PTPRD: variants seen among roughly 807,000 people sequenced by gnomAD.
The protein encoded by PTPRD is protein tyrosine phosphatase receptor type D, also known as receptor-type tyrosine-protein phosphatase delta.
PTPRD carries 34 observed loss-of-function variants against 214.5 expected under a neutral mutation model. The observed-to-expected ratio is 0.16, with a 90% confidence interval of 0.12 to 0.21. PTPRD has a LOEUF of 0.21. Ranked by LOEUF, PTPRD falls within the 10% of genes least tolerant of loss-of-function variation. PTPRD has a pLI of 1.00. For missense variants in PTPRD, 2,545 were observed against 2,398.7 expected (o/e 1.06, Z -1.27); for synonymous variants, 1,128 against 845.7 (o/e 1.33, Z -5.79).
chr9:9,659,748 T>TC (rs2096587649), intron 7 of PTPRD, among the ~76,000 whole-genome samples: 1 of 152,108 alleles, frequency 6.6e-6, no homozygotes, highest in African/African-American at 2.4e-5. Context: ...AAAAGGTGAT[T>TC]CAATCTCATC....
intron 9 of PTPRD, among the ~76,000 whole-genome samples, chr9:9,382,117 AG>A (rs1319404185): frequency 2.6e-5 from 4 of 151,720 alleles, no homozygotes; most frequent in Non-Finnish European, 5.9e-5. Flanking sequence ...TTTATTCCTA[AG>A]TATTTTACTC....
intron 8 of PTPRD, among the ~76,000 whole-genome samples, chr9:9,538,961 T>G (rs626307): frequency 6.6e-6 from 1 of 151,722 alleles, no homozygotes; most frequent in Non-Finnish European, 1.5e-5. Flanking sequence ...CCAGACACTT[T>G]TCTAGGCTCT....
intron 7 of PTPRD, among the ~76,000 whole-genome samples, chr9:9,730,216 T>G (rs191806312): frequency 6.6e-6 from 1 of 152,150 alleles, no homozygotes; most frequent in Admixed American, 6.5e-5. Context: ...TTGAAAGATA[T>G]TGTATGACTA....
At chr9:10,348,986 T>G (rs1050112014) in intron 2 of PTPRD, among the ~76,000 whole-genome samples, 5 of 152,106 alleles carry the variant, frequency 3.3e-5, no homozygotes, top group African/African-American at 1.2e-4. Flanking sequence ...TCAATTATCT[T>G]TGCAGGTACA....
chr9:9,737,095 T>G (rs895874202), intron 6 of PTPRD, among the ~76,000 whole-genome samples: 1 of 152,098 alleles, frequency 6.6e-6, no homozygotes, highest in African/African-American at 2.4e-5. Context: ...CATTTTGAGT[T>G]GGGGTAAAAT....
At chr9:9,908,555 A>G (rs144298184) in intron 5 of PTPRD, among the ~76,000 whole-genome samples, 2 of 152,178 alleles carry the variant, frequency 1.3e-5, no homozygotes, top group East Asian at 1.9e-4. Context: ...TTCTCAAATG[A>G]TAGTCCACAG....
At chr9:10,439,028 TAACA>T (rs1050898383) in intron 2 of PTPRD, among the ~76,000 whole-genome samples, 9 of 151,806 alleles carry the variant, frequency 5.9e-5, no homozygotes, top group African/African-American at 2.2e-4. Context: ...AATGGGATAT[TAACA>T]AACATGATAC....
chr9:8,778,152 T>A (rs1351920685), intron 11 of PTPRD, among the ~76,000 whole-genome samples: 1 of 152,238 alleles, frequency 6.6e-6, no homozygotes, highest in Non-Finnish European at 1.5e-5. Flanking sequence ...TTTTATGTCA[T>A]ATATATGTAT....
intron 14 of PTPRD, among the ~76,000 whole-genome samples, chr9:8,624,324 G>T (rs2095936236): frequency 6.6e-6 from 1 of 151,846 alleles, no homozygotes; most frequent in South Asian, 2.1e-4. Flanking sequence ...TCAGATTGTT[G>T]TATCATCCTA....
At chr9:8,551,245 T>A (rs941505579) in intron 14 of PTPRD, among the ~76,000 whole-genome samples, 4 of 152,202 alleles carry the variant, frequency 2.6e-5, no homozygotes, top group Non-Finnish European at 5.9e-5. Flanking sequence ...ACATATTTTG[T>A]AATTAAATTT....
intron 9 of PTPRD, among the ~76,000 whole-genome samples, chr9:9,375,702 G>C (rs988638261): frequency 3.3e-5 from 5 of 152,104 alleles, no homozygotes; most frequent in African/African-American, 1.2e-4. Context: ...AGAAAACAAA[G>C]AATAAATATG....
chr9:9,543,979 C>T (rs2078183113), intron 8 of PTPRD, among the ~76,000 whole-genome samples: 1 of 151,494 alleles, frequency 6.6e-6, no homozygotes. Context: ...GATTAGAATC[C>T]CTCCACCTTC....
chr9:8,783,983 G>A (rs752673105), intron 11 of PTPRD, among the ~76,000 whole-genome samples: 8 of 152,080 alleles, frequency 5.3e-5, no homozygotes, highest in South Asian at 2.1e-4. Context: ...AGGGTTGTGC[G>A]CCTGACCTCT....
intron 21 of PTPRD, among the ~76,000 whole-genome samples, chr9:8,517,099 C>T (rs1025647971): frequency 1.2e-4 from 18 of 151,150 alleles, no homozygotes; most frequent in African/African-American, 4.1e-4. Flanking sequence ...AGCCACTGTG[C>T]GTGGCTCAAG....
At chr9:9,444,324 T>C (rs1367966894) in intron 8 of PTPRD, among the ~76,000 whole-genome samples, 1 of 152,174 alleles carries the variant, frequency 6.6e-6, no homozygotes, top group Admixed American at 6.5e-5. Flanking sequence ...CCGATAAATA[T>C]GAAAAGATTT....
At chr9:8,748,405 A>C (rs2093092238) in intron 11 of PTPRD, among the ~76,000 whole-genome samples, 1 of 151,858 alleles carries the variant, frequency 6.6e-6, no homozygotes, top group Non-Finnish European at 1.5e-5. Context: ...AGGAGGGACA[A>C]GGATCAGGAT....
intron 9 of PTPRD, among the ~76,000 whole-genome samples, chr9:9,189,333 G>C (rs1043975361): frequency 2.6e-5 from 4 of 152,080 alleles, no homozygotes; most frequent in Admixed American, 1.3e-4. Context: ...TCAGTGATTT[G>C]ATGGGGCTAA....
At chr9:9,310,961 A>ATAAATAAC (rs1958800876) in intron 9 of PTPRD, among the ~76,000 whole-genome samples, 2 of 149,770 alleles carry the variant, frequency 1.3e-5, no homozygotes, top group Non-Finnish European at 2.9e-5. Flanking sequence ...AAATAAATAA[A>ATAAATAAC]TAACATTCTC....
chr9:8,547,641 T>TAAAAAAAAAAAAAAA (rs759867541), intron 14 of PTPRD, among the ~76,000 whole-genome samples: 1 of 110,974 alleles, frequency 9.0e-6, no homozygotes. Context: ...GAATCCTATT[T>TAAAAAAAAAAAAAAA]AAAAAAAAAA....
Sources: allele counts gnomAD v4.1 joint callset (sites outside exome capture counted in the v4.1 genomes callset), GRCh38; gene constraint gnomAD v4.1.1; transcripts MANE v1.5; gene names NCBI Gene and HGNC (gene_info 2026-07-23, HGNC 2026-07-21).